ZNF41: variants seen among roughly 807,000 people sequenced by gnomAD.
The protein encoded by ZNF41 is zinc finger protein 41.
Under a neutral mutation model 9.3 loss-of-function variants are expected in ZNF41, and 6 were observed. That is an observed-to-expected ratio of 0.65 (90% CI 0.35 to 1.28). The LOEUF is 1.28. ZNF41 is among the 50% of genes most tolerant of loss of function. The pLI is 0.03. For missense variants in ZNF41, 523 were observed against 585.8 expected, an observed-to-expected ratio of 0.89 and a Z score of 1.11; for synonymous variants, 192 against 207.1, an observed-to-expected ratio of 0.93 and a Z score of 0.63.
intron 2 of ZNF41, among the ~76,000 whole-genome samples, chrX:47,459,156 C>T (rs2056682663): frequency 9.3e-6 from 1 of 107,149 alleles, no homozygotes; most frequent in Non-Finnish European, 1.9e-5. Flanking sequence ...TTGTGACCAG[C>T]CTGGCCAACA....
rs2147477908 is a variant in ZNF41, at chrX:47,448,954, C to T, written c.816G>A (p.Val272=). 1 of 1,211,599 alleles carries T rather than the reference C, an allele frequency of 8.3e-7. No homozygotes were observed. The highest frequency in any genetic ancestry group is 3.0e-5 in the East Asian group (1 of 33,830). The change falls in exon 5 of 5, where the codon GTG becomes GTA. Residue 272 remains valine, a synonymous_variant. Transcript: ENST00000684689. ...QKIHPEEKLY[V]CTECVMGFTQ... The stretch of plus-strand genomic sequence containing the variant: ...TGAAGCCCATTACACATTCAGTACA[C>T]ACATAAAGCTTCTCCTCAGGATGAA...
intron 1 of ZNF41, among the ~76,000 whole-genome samples, chrX:47,482,240 T>C (rs2057492875): frequency 9.1e-6 from 1 of 109,593 alleles, no homozygotes; most frequent in South Asian, 4.0e-4. Context: ...ATCAACTTTC[T>C]CTAGTGACCC....
intron 1 of ZNF41, among the ~76,000 whole-genome samples, chrX:47,474,894 G>C (rs1407469690): frequency 4.4e-5 from 4 of 89,932 alleles, no homozygotes; most frequent in Non-Finnish European, 8.5e-5. Flanking sequence ...AAAAAAAAAA[G>C]AGTAGGCCGG....
At chrX:47,466,828 C>A (rs1391007055) in intron 2 of ZNF41, among the ~76,000 whole-genome samples, 2 of 111,561 alleles carry the variant, frequency 1.8e-5, no homozygotes, top group Non-Finnish European at 3.8e-5. Flanking sequence ...CCATTTTATT[C>A]GTCTTTGAAA....
chrX:47,472,433 C>CTTTTTT (rs767484521), intron 1 of ZNF41, among the ~76,000 whole-genome samples: 10 of 58,089 alleles, frequency 1.7e-4, no homozygotes, highest in Admixed American at 5.2e-4. Flanking sequence ...AACATGGCTT[C>CTTTTTT]TTTTTTTTTT....
At chrX:47,477,433 C>A (rs1201763567) in intron 1 of ZNF41, among the ~76,000 whole-genome samples, 1 of 112,749 alleles carries the variant, frequency 8.9e-6, no homozygotes, top group Non-Finnish European at 1.9e-5. Flanking sequence ...CGTGAGCCAC[C>A]GTGCCCAGCT....
chrX:47,471,956 C>T (rs1331792476), intron 1 of ZNF41, among the ~76,000 whole-genome samples: 1 of 111,562 alleles, frequency 9.0e-6, no homozygotes, highest in Non-Finnish European at 1.9e-5. Context: ...ATAAGATAAT[C>T]CCACCAGAAA....
chrX:47,479,882 G>C (rs768584772), intron 1 of ZNF41, among the ~76,000 whole-genome samples: 1 of 111,655 alleles, frequency 9.0e-6, no homozygotes, highest in African/African-American at 3.3e-5. Flanking sequence ...AGATCACGAG[G>C]TCAGGAGTTT....
At chrX:47,453,691 T>A (rs916654094) in intron 4 of ZNF41, among the ~76,000 whole-genome samples, 1 of 112,319 alleles carries the variant, frequency 8.9e-6, no homozygotes, top group East Asian at 2.8e-4. Flanking sequence ...TAAAGATATC[T>A]GTCATTAGCA....
Position 47,467,507 on chromosome X carries a change from G to A in ZNF41, c.-26C>T. On this transcript the variant is annotated 5_prime_UTR_variant, in exon 2 of 5. Coordinates refer to ENST00000684689, the MANE Select transcript of ZNF41 (RefSeq NM_001324144.2). Reference sequence around the variant, plus strand: ...GTTCACGCTGGGCCTCAGCCCTCAGGCTCTCCTGCTGACAACCCCACTCTT... The same window carrying A: ...GTTCACGCTGGGCCTCAGCCCTCAGACTCTCCTGCTGACAACCCCACTCTT... The A allele has an allele frequency of 1.7e-6, 2 of 1,173,337 alleles. No homozygotes were observed. The highest frequency in any genetic ancestry group is 2.3e-6 in the Non-Finnish European group (2 of 875,188).
chrX:47,481,052 T>A (rs1178881612), intron 1 of ZNF41, among the ~76,000 whole-genome samples: 1 of 111,386 alleles, frequency 9.0e-6, no homozygotes, highest in Non-Finnish European at 1.9e-5. Context: ...GAAATCAAAA[T>A]CTCATATCTA....
intron 1 of ZNF41, 23 bp downstream of exon 1, chrX:47,483,072 C>A (rs1258982820): frequency 8.9e-6 from 1 of 112,552 alleles, no homozygotes; most frequent in African/African-American, 3.2e-5. Flanking sequence ...CGGGACCCCG[C>A]GCCCACCGCG....
At position 47,447,329 on chromosome X, in the gene ZNF41, C is replaced by A; in HGVS notation, c.*101G>T. ...TTCACTCAAGCCTCAGTCTCTCATA[C>A]CCATTTCCCCCTGTACAATGATTGC... is the stretch of plus-strand genomic sequence containing the variant. On this transcript the variant is annotated 3_prime_UTR_variant, in exon 5 of 5. Coordinates refer to ENST00000684689, the MANE Select transcript of ZNF41 (RefSeq NM_001324144.2). The A allele has an allele frequency of 1.8e-6, 2 of 1,095,293 alleles. No individual in the cohort carries two copies. The highest frequency in any genetic ancestry group is 2.5e-6 in the Non-Finnish European group (2 of 800,236). The allele number at this position is 1,095,293 out of a possible 1,213,427, so 90.3% of individuals were successfully genotyped here. A position where few individuals can be genotyped will look rare whatever the true frequency, so the allele number is the denominator to read the frequency against.
At chrX:47,461,218 C>T (rs1296782279) in intron 2 of ZNF41, among the ~76,000 whole-genome samples, 4 of 105,173 alleles carry the variant, frequency 3.8e-5, no homozygotes, top group Non-Finnish European at 7.8e-5. Flanking sequence ...CTGCCTCAGC[C>T]TCCCTAGTAG....
rs998927303 is a variant in ZNF41 at position 47,467,206 on chromosome X, G to A, written c.72+204C>T. Reference sequence around the variant, plus strand: ...AATCAGCCACATTACACTGTCCACTGAAACACACGGGGCTTTGGATGTGGC... The same window carrying A: ...AATCAGCCACATTACACTGTCCACTAAAACACACGGGGCTTTGGATGTGGC... On this transcript the variant is annotated intron_variant, in intron 2 of 4. Transcript: ENST00000684689. 3.5e-6 allele frequency: 3 copies of A among 866,274 alleles called. No homozygotes were observed. In the African/African-American group the frequency reaches 6.0e-5, roughly 17 times the overall value. The allele number at this position is 866,274 out of a possible 1,213,427, so 71.4% of individuals were successfully genotyped here. A position where few individuals can be genotyped will look rare whatever the true frequency, so the allele number is the denominator to read the frequency against.
chrX:47,472,433 CTTTTTTTTTTT>C (rs767484521), intron 1 of ZNF41, among the ~76,000 whole-genome samples: 4 of 58,081 alleles, frequency 6.9e-5, no homozygotes, highest in Non-Finnish European at 1.2e-4. Flanking sequence ...AACATGGCTT[CTTTTTTTTTTT>C]TTTTTTTTTT....
At position 47,445,727 on chromosome X, in the gene ZNF41, T is replaced by C. The variant is rs1241381225; in HGVS notation, c.*1703A>G. 8.9e-6 allele frequency among the ~76,000 whole-genome samples: 1 copy of C among 112,124 alleles called. No homozygotes were observed. Among genetic ancestry groups the C allele is most frequent in the Admixed American group, 9.5e-5 (1 of 10,524 alleles). ...CCAAGCTGCAAACAACCCAAATGTC[T>C]ACAAACAGTAGAATGGATAAATTAT... On this transcript the variant is annotated 3_prime_UTR_variant, in exon 5 of 5. Transcript: ENST00000684689.
chrX:47,483,192 G>T lies in ZNF41; in HGVS notation c.-377C>A, dbSNP rs897589677. On this transcript the variant is annotated 5_prime_UTR_variant, in exon 1 of 5. Transcript: ENST00000684689. Reference sequence around the variant, plus strand: ...TCACCGAACCTGTGCAGTTGCCGCGGGGGGAGTCGTGCGTGTCAGATTTAG... The same window carrying T: ...TCACCGAACCTGTGCAGTTGCCGCGTGGGGAGTCGTGCGTGTCAGATTTAG... 4.5e-5 allele frequency among the ~76,000 whole-genome samples: 5 copies of T among 112,088 alleles called. No homozygotes were observed. The highest frequency in any genetic ancestry group is 7.5e-5 in the Non-Finnish European group (4 of 53,156).
At chrX:47,455,499 C>T (rs1033289950) in intron 4 of ZNF41, among the ~76,000 whole-genome samples, 3 of 110,052 alleles carry the variant, frequency 2.7e-5, no homozygotes, top group Admixed American at 9.8e-5. Flanking sequence ...GTGGGAGGAT[C>T]GCTTGAACCT....
Sources: gnomAD v4.1 joint callset for allele counts (sites outside exome capture counted in the v4.1 genomes callset) on GRCh38, gnomAD v4.1.1 for gene constraint, MANE v1.5 for transcripts, NCBI Gene and HGNC (gene_info 2026-07-23, HGNC 2026-07-21) for gene names.